The following FBXL13 variants were observed in gnomAD, a reference collection of about 807,000 sequenced individuals.
The protein encoded by FBXL13 is F-box and leucine rich repeat protein 13, also known as F-box and leucine-rich repeat protein 13.
Under a neutral mutation model 83.6 loss-of-function variants are expected in FBXL13, and 67 were observed. The observed-to-expected ratio is 0.80, with a 90% CI of 0.66 to 0.98. The LOEUF is 0.98. FBXL13 is among the 50% of genes least tolerant of loss of function. FBXL13 has a pLI of 0.00. For synonymous variants in FBXL13, 272 were observed against 299.5 expected (o/e 0.91, Z 0.95); for missense variants, 822 against 866.5 (o/e 0.95, Z 0.64).
chr7:102,816,926 A>G (rs1414530831), intron 19 of FBXL13, among the ~76,000 whole-genome samples: 2 of 152,222 alleles, frequency 1.3e-5, no homozygotes, highest in Admixed American at 6.5e-5. Context: ...TGTTGCTGCA[A>G]AGGACATGAT....
At chr7:103,061,104 G>C (rs192879013) in intron 1 of FBXL13, among the ~76,000 whole-genome samples, 2 of 152,016 alleles carry the variant, frequency 1.3e-5, no homozygotes, top group African/African-American at 4.8e-5. Context: ...TACTGAAAGA[G>C]GCCAACTAGC....
intron 11 of FBXL13, among the ~76,000 whole-genome samples, chr7:102,907,475 G>A (rs1346991885): frequency 1.6e-4 from 16 of 98,762 alleles, no homozygotes; most frequent in Admixed American, 7.1e-4. Context: ...CCCCATTCCC[G>A]CCCCCCCACA....
At chr7:103,025,325 C>A in intron 5 of FBXL13, 95 bp from the exon 7 acceptor site, 1 of 654,868 alleles carries the variant, frequency 1.5e-6, no homozygotes. Flanking sequence ...AAGAATAGGA[C>A]CAATTAAACA....
chr7:103,023,035 G>A (rs1468381149), intron 6 of FBXL13, among the ~76,000 whole-genome samples: 2 of 152,208 alleles, frequency 1.3e-5, no homozygotes, highest in Admixed American at 6.5e-5. Context: ...CCAGCACTTT[G>A]GGAGGCCGAG....
At chr7:102,862,328 CAAAAA>C (rs111697845) in intron 16 of FBXL13, among the ~76,000 whole-genome samples, 1 of 96,818 alleles carries the variant, frequency 1.0e-5, no homozygotes, top group African/African-American at 3.4e-5. Context: ...GAATCTGTCT[CAAAAA>C]AAAAAAAAAA....
intron 8 of FBXL13, chr7:102,944,166 AT>A: frequency 6.6e-7 from 1 of 1,518,666 alleles, no homozygotes; most frequent in Non-Finnish European, 8.9e-7. Flanking sequence ...CATACACTGT[AT>A]TAACTCAATT....
chr7:102,936,137 T>C (rs1415374657), intron 8 of FBXL13: 1 of 151,434 alleles, frequency 6.6e-6, no homozygotes, highest in Non-Finnish European at 1.5e-5. Context: ...CTGTGAACTG[T>C]ATATAATTCA....
intron 2 of FBXL13, 135 bp downstream of exon 3, chr7:103,054,953 T>C (rs527901036): frequency 9.9e-6 from 4 of 402,524 alleles, no homozygotes; most frequent in African/African-American, 8.5e-5. Flanking sequence ...TGTGTGGCTA[T>C]TCCTTCACTT....
At chr7:103,035,182 CA>C in intron 2 of FBXL13, among the ~76,000 whole-genome samples, 1 of 152,330 alleles carries the variant, frequency 6.6e-6, no homozygotes, top group South Asian at 2.1e-4. Flanking sequence ...CAGCCTGGAA[CA>C]CCAGCTCAGG....
exon 18 of FBXL13, chr7:102,832,857 T>C: frequency 1.9e-6 from 3 of 1,614,212 alleles, no homozygotes; most frequent in Non-Finnish European, 2.5e-6. Context: ...CAGCCAGCAA[T>C]GCTGAGAGAT....
chr7:103,059,935 A>G (rs1291075399), intron 1 of FBXL13, among the ~76,000 whole-genome samples: 1 of 150,022 alleles, frequency 6.7e-6, no homozygotes, highest in African/African-American at 2.4e-5. Context: ...TTCATACGCT[A>G]TAGGGCTATC....
chr7:102,867,697 T>TATATATATA (rs1807939784), intron 16 of FBXL13, among the ~76,000 whole-genome samples: 1 of 39,918 alleles, frequency 2.5e-5, no homozygotes. Flanking sequence ...ATATATATAT[T>TATATATATA]TTTTTTTTTT....
chr7:102,888,382 CA>C (rs1459340878), intron 11 of FBXL13, among the ~76,000 whole-genome samples: 3 of 152,040 alleles, frequency 2.0e-5, no homozygotes, highest in Non-Finnish European at 4.4e-5. Flanking sequence ...ACTAAAAATA[CA>C]AAAAAATTAG....
chr7:102,894,543 T>C (rs1353490829), intron 11 of FBXL13, among the ~76,000 whole-genome samples: 6 of 151,858 alleles, frequency 4.0e-5, no homozygotes, highest in Non-Finnish European at 7.4e-5. Context: ...GGACAACATA[T>C]TGAGACCCGT....
chr7:102,894,931 G>C (rs1408528555), intron 11 of FBXL13, among the ~76,000 whole-genome samples: 1 of 152,108 alleles, frequency 6.6e-6, no homozygotes, highest in Non-Finnish European at 1.5e-5. Context: ...TGAAGCACCT[G>C]GGGAGGCATG....
intron 8 of FBXL13, chr7:102,934,321 G>A (rs757212189): frequency 1.9e-6 from 3 of 1,614,072 alleles, no homozygotes; most frequent in Non-Finnish European, 1.7e-6. Flanking sequence ...CCCTCTTACT[G>A]CAGCACAACC....
chr7:102,852,393 C>A (rs1021213260), intron 17 of FBXL13, among the ~76,000 whole-genome samples: 1 of 152,054 alleles, frequency 6.6e-6, no homozygotes, highest in Non-Finnish European at 1.5e-5. Context: ...GCAGAGTAAA[C>A]AGACAATGCA....
At chr7:102,949,970 G>GTGGTGCTGCC (rs932778404) in intron 8 of FBXL13, among the ~76,000 whole-genome samples, 6 of 152,120 alleles carry the variant, frequency 3.9e-5, no homozygotes, top group African/African-American at 7.2e-5. Flanking sequence ...GCCAGGCATG[G>GTGGTGCTGCC]TGGTGCACAC....
At chr7:103,046,564 C>G (rs922493802) in intron 2 of FBXL13, among the ~76,000 whole-genome samples, 5 of 152,136 alleles carry the variant, frequency 3.3e-5, no homozygotes, top group Non-Finnish European at 7.3e-5. Flanking sequence ...TTTTATCCAT[C>G]AAAGTATAAA....
Sources: gnomAD v4.1 joint callset for allele counts (sites outside exome capture counted in the v4.1 genomes callset) on GRCh38, gnomAD v4.1.1 for gene constraint, MANE v1.5 for transcripts, NCBI Gene and HGNC (gene_info 2026-07-23, HGNC 2026-07-21) for gene names.